The following ABHD13 variants were observed in gnomAD, a reference collection of about 807,000 sequenced individuals.
The protein encoded by ABHD13 is abhydrolase domain containing 13.
A neutral mutation model predicts 25.2 loss-of-function variants in ABHD13; 7 were observed. The observed-to-expected ratio is 0.28, with a 90% confidence interval of 0.16 to 0.52. The LOEUF (loss-of-function observed/expected upper bound fraction) is 0.52. Among genes scored for constraint, ABHD13 ranks in the 20% least tolerant of loss-of-function variants. The probability of loss-of-function intolerance (pLI) is 0.96; values close to 1 mark genes in which losing one functional copy is unlikely to be tolerated. For missense variants in ABHD13, 302 were observed against 402.7 expected, an observed-to-expected ratio of 0.75 and a Z score of 2.14; for synonymous variants, 133 against 136.1, an observed-to-expected ratio of 0.98 and a Z score of 0.16.
chr13:108,219,893 C>G (rs898838764), intron 1 of ABHD13, among the ~76,000 whole-genome samples: 3 of 152,164 alleles, frequency 2.0e-5, no homozygotes, highest in African/African-American at 7.2e-5. Context: ...CTGATTACTT[C>G]CTGTGTTCAG....
At chr13:108,225,575 A>T (rs1879655935) in intron 1 of ABHD13, among the ~76,000 whole-genome samples, 1 of 152,120 alleles carries the variant, frequency 6.6e-6, no homozygotes, top group Non-Finnish European at 1.5e-5. Context: ...TGTATGAGAG[A>T]TCATTATGAG....
intron 1 of ABHD13, among the ~76,000 whole-genome samples, chr13:108,220,221 G>A (rs1390040611): frequency 6.6e-6 from 1 of 152,194 alleles, no homozygotes; most frequent in African/African-American, 2.4e-5. Flanking sequence ...CCCACTGACA[G>A]TTAACTTGGA....
chr13:108,227,757 C>T (rs1879705424), intron 1 of ABHD13, among the ~76,000 whole-genome samples: 1 of 151,936 alleles, frequency 6.6e-6, no homozygotes, highest in Admixed American at 6.6e-5. Context: ...ATTTTAAAAA[C>T]TCATTCTACT....
intron 1 of ABHD13, among the ~76,000 whole-genome samples, chr13:108,220,191 T>A (rs1396878127): frequency 6.6e-6 from 1 of 152,180 alleles, no homozygotes; most frequent in African/African-American, 2.4e-5. Flanking sequence ...CTGTCTCCTT[T>A]CCATTGCACC....
chr13:108,227,531 A>G (rs967836704), intron 1 of ABHD13, among the ~76,000 whole-genome samples: 3 of 152,036 alleles, frequency 2.0e-5, no homozygotes, highest in African/African-American at 4.8e-5. Context: ...ATAAGATTCA[A>G]ATTTTAAAAT....
chr13:108,228,603 GTTTTA>G (rs934638762), intron 1 of ABHD13, among the ~76,000 whole-genome samples: 12 of 149,488 alleles, frequency 8.0e-5, no homozygotes, highest in African/African-American at 2.2e-4. Flanking sequence ...GTTTTTTTTT[GTTTTA>G]TTTTGTTTTG....
In ABHD13 at chr13:108,233,357, T is replaced by G. The variant is rs1323487072; in HGVS notation, c.*3125T>G. The stretch of plus-strand genomic sequence containing the variant: ...AAATTATCTTTCAAGCTCAGATAGC[T>G]TAAGAGCAGTTTATATTAAGGAGAC... On this transcript the variant is annotated 3_prime_UTR_variant, in exon 2 of 2. Transcript: ENST00000375898. 1.2e-5 allele frequency: 2 copies of G among 166,876 alleles called. No individual in the cohort carries two copies. Among genetic ancestry groups the G allele is most frequent in the Non-Finnish European group, 2.9e-5 (2 of 67,984 alleles). The allele number at this position is 166,876 out of a possible 1,614,324, so 10.3% of individuals were successfully genotyped here. A position where few individuals can be genotyped will look rare whatever the true frequency, so the allele number is the denominator to read the frequency against.
In ABHD13 at chr13:108,229,211, G is replaced by A. The variant is rs371891144; in HGVS notation, c.-8G>A. ...TCTCTCTCTCTAGGATACTTACAGA[G>A]AGCTACAATGGAAAAGTCCTGGATG... On this transcript the variant is annotated 5_prime_UTR_variant, in exon 2 of 2. Transcript: ENST00000375898. This position sits in a 1 kb window ranked among gnomAD's most constrained non-coding sequence, Gnocchi z 4.7. The A allele has an allele frequency of 1.6e-5, 25 of 1,536,272 alleles. No individual in the cohort carries two copies. Among genetic ancestry groups the A allele is most frequent in the East Asian group, 2.2e-5 (1 of 44,558 alleles).
rs1165290053 is a variant in ABHD13 at position 108,233,631 on chromosome 13, CAG to C, written c.*3402_*3403del. The C allele has an allele frequency of 6.0e-6, 1 of 166,652 alleles. No homozygotes were observed. The highest frequency in any genetic ancestry group is 1.5e-5 in the Non-Finnish European group (1 of 67,932). 10.3% of individuals were successfully genotyped at this position (166,652 alleles called of 1,614,324 possible). A position where few individuals can be genotyped will look rare whatever the true frequency, so the allele number is the denominator to read the frequency against. On this transcript the variant is annotated 3_prime_UTR_variant, in exon 2 of 2. Coordinates refer to ENST00000375898, the MANE Select transcript of ABHD13 (RefSeq NM_032859.3). ...ATTACTCAGGTAAAGATGGAAATGACAGAGCACAGACATTTATTTTTTAAATT... is the reference window on the plus strand; with the variant it reads ...ATTACTCAGGTAAAGATGGAAATGACAGCACAGACATTTATTTTTTAAATT...
intron 1 of ABHD13, among the ~76,000 whole-genome samples, chr13:108,227,179 C>T (rs575865681): frequency 1.3e-5 from 2 of 152,152 alleles, no homozygotes; most frequent in Admixed American, 6.6e-5. Flanking sequence ...AAGTTTATCC[C>T]TTATTATTCC....
intron 1 of ABHD13, among the ~76,000 whole-genome samples, chr13:108,222,573 T>G (rs1237366813): frequency 1.3e-5 from 2 of 152,134 alleles, no homozygotes; most frequent in South Asian, 2.1e-4. Flanking sequence ...TTTAGAAATG[T>G]AAAGATCCCA....
chr13:108,226,591 C>T (rs951477503), intron 1 of ABHD13, among the ~76,000 whole-genome samples: 2 of 152,122 alleles, frequency 1.3e-5, no homozygotes, highest in Non-Finnish European at 2.9e-5. Flanking sequence ...ACCGTTTACT[C>T]ACACTAATTT....
At chr13:108,221,923 C>T (rs769161398) in intron 1 of ABHD13, among the ~76,000 whole-genome samples, 9 of 151,878 alleles carry the variant, frequency 5.9e-5, no homozygotes, top group Non-Finnish European at 1.2e-4. Context: ...CCTGCAACCT[C>T]GACTCCTGGG....
rs1879807218 is a variant in ABHD13 at position 108,231,665 on chromosome 13, T to C, written c.*1433T>C. Reference sequence around the variant, plus strand: ...GTAATATTATGTCAGCTTTAACATATAATATTTTGAATATTTTAGCTATAT... The same window carrying C: ...GTAATATTATGTCAGCTTTAACATACAATATTTTGAATATTTTAGCTATAT... On this transcript the variant is annotated 3_prime_UTR_variant, in exon 2 of 2. Transcript: ENST00000375898. The C allele has an allele frequency of 6.0e-6, 1 of 166,666 alleles. No individual in the cohort carries two copies. The highest frequency in any genetic ancestry group is 2.4e-5 in the African/African-American group (1 of 41,348). The allele number at this position is 166,666 out of a possible 1,614,324, so 10.3% of individuals were successfully genotyped here. A position where few individuals can be genotyped will look rare whatever the true frequency, so the allele number is the denominator to read the frequency against.
At chr13:108,220,641 A>G (rs996443998) in intron 1 of ABHD13, among the ~76,000 whole-genome samples, 3 of 152,194 alleles carry the variant, frequency 2.0e-5, no homozygotes, top group Non-Finnish European at 2.9e-5. Flanking sequence ...TCTGTTTCAC[A>G]TGGTGTGAAC....
At chr13:108,222,976 G>A (rs1026055425) in intron 1 of ABHD13, among the ~76,000 whole-genome samples, 6 of 152,226 alleles carry the variant, frequency 3.9e-5, no homozygotes, top group African/African-American at 1.4e-4. Context: ...GTACTCGTTG[G>A]TACGACTCCA....
chr13:108,228,399 A>T (rs563162217), intron 1 of ABHD13, among the ~76,000 whole-genome samples: 90 of 152,110 alleles, frequency 5.9e-4, no homozygotes, highest in Middle Eastern at 3.4e-3. Context: ...ATTAAAGAGT[A>T]TATAAAAGAT....
In ABHD13 at chr13:108,220,718, T is replaced by C. The variant is rs149721002; in HGVS notation, c.-21+2059T>C. On this transcript the variant is annotated intron_variant, in intron 1 of 1. Coordinates refer to ENST00000375898, the MANE Select transcript of ABHD13 (RefSeq NM_032859.3). Reference sequence around the variant, plus strand: ...TAGTATTTCCAGTACAGGGACTACATGCATTTATGAGCTAGCCTGAGAATC... The same window carrying C: ...TAGTATTTCCAGTACAGGGACTACACGCATTTATGAGCTAGCCTGAGAATC... 2.6e-5 allele frequency among the ~76,000 whole-genome samples: 4 copies of C among 152,348 alleles called. No individual in the cohort carries two copies. In the East Asian group the frequency reaches 7.7e-4, roughly 29 times the overall value.
rs1286299343 is a variant in ABHD13, at chr13:108,232,239, T to C, written c.*2007T>C. 8 of 166,942 alleles carry C rather than the reference T, an allele frequency of 4.8e-5. No homozygotes were observed. Among genetic ancestry groups the C allele is most frequent in the Non-Finnish European group, 4.4e-5 (3 of 68,014 alleles). 10.3% of individuals were successfully genotyped at this position (166,942 alleles called of 1,614,324 possible). The stretch of plus-strand genomic sequence containing the variant: ...CAGTATTTTGCTTTTATGCTGCTTT[T>C]TCTTTTTGATACTCCAGGTTTATAA... On this transcript the variant is annotated 3_prime_UTR_variant, in exon 2 of 2. Transcript: ENST00000375898.
Sources: allele counts gnomAD v4.1 joint callset (sites outside exome capture counted in the v4.1 genomes callset), GRCh38; gene constraint gnomAD v4.1.1; non-coding constraint Gnocchi (gnomAD v3.1); transcripts MANE v1.5; gene names NCBI Gene and HGNC (gene_info 2026-07-23, HGNC 2026-07-21).